The following MFF variants were observed in gnomAD, a reference collection of about 807,000 sequenced individuals.
The protein encoded by MFF is mitochondrial fission factor, also known as chromosome 2 open reading frame 33.
A neutral mutation model predicts 36.9 loss-of-function variants in MFF; 12 were observed. The ratio of observed to expected loss-of-function variants is 0.33; its 90% CI spans 0.21 to 0.53. The LOEUF is 0.53. Ranked by LOEUF, MFF falls within the 20% of genes least tolerant of loss-of-function variation. The probability of loss-of-function intolerance (pLI) is 0.95; values close to 1 mark genes in which losing one functional copy is unlikely to be tolerated. For synonymous variants in MFF, 99 were observed against 126.2 expected (o/e 0.78, Z 1.44); for missense variants, 348 against 366.6 (o/e 0.95, Z 0.42).
rs1356772716 is a variant in MFF at position 227,355,555 on chromosome 2, C to A, written c.660-122C>A. The A allele has an allele frequency of 6.0e-6, 3 of 498,960 alleles. No homozygotes were observed. The Admixed American group carries it at 9.5e-5, about 16-fold the overall frequency. The allele number at this position is 498,960 out of a possible 1,614,324, so 30.9% of individuals were successfully genotyped here. ...CAGGTAGTAAAATATTTTAGTAATT[C>A]ATATTATTAAGTACCAATTTTCTGA... On this transcript the variant is annotated intron_variant, in intron 7 of 8. Coordinates refer to ENST00000304593, the MANE Select transcript of MFF (RefSeq NM_001277062.2).
At position 227,340,163 on chromosome 2, in the gene MFF, C is replaced by A. The variant is rs1183095885; in HGVS notation, c.352-129C>A. On this transcript the variant is annotated intron_variant, in intron 4 of 8. Coordinates refer to ENST00000304593, the MANE Select transcript of MFF (RefSeq NM_001277062.2). Reference sequence around the variant, plus strand: ...AGTAATACACTGCCTGGCAGCAATTCTTGGTTGCCTTTTCTTAGTTCGTTG... The same window carrying A: ...AGTAATACACTGCCTGGCAGCAATTATTGGTTGCCTTTTCTTAGTTCGTTG... 5 of 639,772 alleles carry A rather than the reference C, an allele frequency of 7.8e-6. No individual in the cohort carries two copies. In the Admixed American group the frequency reaches 1.4e-4, roughly 19 times the overall value. 39.6% of individuals were successfully genotyped at this position (639,772 alleles called of 1,614,324 possible).
intron 1 of MFF, among the ~76,000 whole-genome samples, 156 bp from the exon 2 acceptor site, chr2:227,328,522 G>A (rs2074341950): frequency 6.6e-6 from 1 of 152,122 alleles, no homozygotes; most frequent in Admixed American, 6.6e-5. Context: ...AAGATTGGTG[G>A]TAAGCTTAAT....
intron 5 of MFF, among the ~76,000 whole-genome samples, chr2:227,344,146 T>C (rs2075575464): frequency 6.6e-6 from 1 of 152,244 alleles, no homozygotes; most frequent in East Asian, 1.9e-4. Flanking sequence ...GAGGTAGAGC[T>C]ATTACTAATG....
chr2:227,357,127 C>T lies in MFF; in HGVS notation c.*10C>T. ...CTGGTTTCGCCGCTAGAGGTAACAT[C>T]AGCCCTCAAAAATACTGTCTCAACA... On this transcript the variant is annotated 3_prime_UTR_variant, in exon 9 of 9. Coordinates refer to ENST00000304593, the MANE Select transcript of MFF (RefSeq NM_001277062.2). 1 of 1,609,466 alleles carries T rather than the reference C, an allele frequency of 6.2e-7. No homozygotes were observed. The highest frequency in any genetic ancestry group is 2.3e-4 in the Middle Eastern group (1 of 4,426).
At chr2:227,342,023 C>G (rs1003676557) in intron 5 of MFF, among the ~76,000 whole-genome samples, 5 of 152,002 alleles carry the variant, frequency 3.3e-5, no homozygotes, top group African/African-American at 1.2e-4. Flanking sequence ...TTTGTATTTA[C>G]TCAATAACAT....
At chr2:227,348,663 G>A (rs1383739233) in intron 6 of MFF, among the ~76,000 whole-genome samples, 2 of 152,180 alleles carry the variant, frequency 1.3e-5, no homozygotes, top group African/African-American at 2.4e-5. Flanking sequence ...CAGGGAGTCA[G>A]TTAGAATTAA....
chr2:227,329,963 T>A, intron 2 of MFF: 1 of 431,680 alleles, frequency 2.3e-6, no homozygotes, highest in East Asian at 3.8e-5. Flanking sequence ...TAAATACAGA[T>A]TAATAGTGTA....
intron 5 of MFF, among the ~76,000 whole-genome samples, chr2:227,341,354 T>C (rs2075381122): frequency 6.6e-6 from 1 of 152,048 alleles, no homozygotes. Flanking sequence ...ATAAATTATT[T>C]GCTTGCCTTA....
chr2:227,339,217 G>A (rs2075246154), intron 4 of MFF, among the ~76,000 whole-genome samples: 3 of 148,656 alleles, frequency 2.0e-5, no homozygotes, highest in African/African-American at 2.5e-5. Context: ...AAAAAAAAAA[G>A]GTATTTTCAA....
chr2:227,335,742 A>C (rs1378042326), intron 4 of MFF, among the ~76,000 whole-genome samples: 1 of 152,226 alleles, frequency 6.6e-6, no homozygotes, highest in African/African-American at 2.4e-5. Context: ...TGAGCCCTTG[A>C]GGAGGGCTTA....
chr2:227,339,000 C>G (rs754857941), intron 4 of MFF, among the ~76,000 whole-genome samples: 2 of 151,672 alleles, frequency 1.3e-5, no homozygotes, highest in Non-Finnish European at 2.9e-5. Context: ...CTCAGGAGTT[C>G]GAGACCAGCC....
intron 5 of MFF, chr2:227,346,997 GTTTA>G: frequency 2.5e-6 from 1 of 404,468 alleles, no homozygotes; most frequent in Middle Eastern, 6.8e-4. Flanking sequence ...TTCATATTCA[GTTTA>G]TTTATTTTGA....
chr2:227,340,445 G>T, intron 5 of MFF, 65 bp downstream of exon 5: 1 of 1,226,246 alleles, frequency 8.2e-7, no homozygotes, highest in South Asian at 1.3e-5. Context: ...CTGTACCCAT[G>T]TTTTTCTAAA....
chr2:227,342,627 A>G (rs955141121), intron 5 of MFF: 4 of 733,902 alleles, frequency 5.5e-6, no homozygotes, highest in South Asian at 1.8e-5. Flanking sequence ...TCGAAGAGGC[A>G]ATAAGATTGT....
intron 8 of MFF, among the ~76,000 whole-genome samples, chr2:227,356,133 C>T (rs1166452746): frequency 6.6e-6 from 1 of 152,146 alleles, no homozygotes; most frequent in African/African-American, 2.4e-5. Context: ...TCCCTGCATA[C>T]GTATTTCCTG....
chr2:227,355,455 GT>G, intron 7 of MFF: 1 of 279,622 alleles, frequency 3.6e-6, no homozygotes, highest in South Asian at 1.1e-4. Flanking sequence ...CCATTCTCCA[GT>G]TTTTAGTGCC....
At chr2:227,326,165 A>G (rs936010266) in intron 1 of MFF, among the ~76,000 whole-genome samples, 11 of 151,902 alleles carry the variant, frequency 7.2e-5, no homozygotes, top group Non-Finnish European at 1.5e-4. Flanking sequence ...AGCAAAGGGC[A>G]TTCTCGAGGG....
At chr2:227,328,374 CGTAA>C (rs1450927037) in intron 1 of MFF, among the ~76,000 whole-genome samples, 1 of 146,238 alleles carries the variant, frequency 6.8e-6, no homozygotes, top group Non-Finnish European at 1.5e-5. Flanking sequence ...CATATATATA[CGTAA>C]GTATTAGATT....
At chr2:227,336,687 A>G (rs537112238) in intron 4 of MFF, among the ~76,000 whole-genome samples, 1 of 152,316 alleles carries the variant, frequency 6.6e-6, no homozygotes, top group Admixed American at 6.5e-5. Flanking sequence ...AGAAATATCT[A>G]GCTAGATCCA....
Sources: allele counts gnomAD v4.1 joint callset (sites outside exome capture counted in the v4.1 genomes callset), GRCh38; gene constraint gnomAD v4.1.1; transcripts MANE v1.5; gene names NCBI Gene and HGNC (gene_info 2026-07-23, HGNC 2026-07-21).